RBM19: variants seen among roughly 807,000 people sequenced by gnomAD.
The protein encoded by RBM19 is probable RNA-binding protein 19.
In RBM19, 94 loss-of-function variants were observed where a neutral mutation model predicts 116.8. That is an observed-to-expected ratio of 0.80 (90% CI 0.68 to 0.95). RBM19 has a LOEUF of 0.95. Ranked by LOEUF, RBM19 falls within the 40% of genes least tolerant of loss-of-function variation. The pLI is 0.00. For synonymous variants in RBM19, 475 were observed against 494.1 expected, an observed-to-expected ratio of 0.96 and a Z score of 0.51; for missense variants, 1,161 against 1,220.7, an observed-to-expected ratio of 0.95 and a Z score of 0.73.
chr12:113,942,299 G>T, intron 14 of RBM19, 25 bp downstream of exon 14: 1 of 1,586,666 alleles, frequency 6.3e-7, no homozygotes, highest in Non-Finnish European at 8.5e-7. Flanking sequence ...GCTGCTGGCT[G>T]GCTGGCGCCA....
At chr12:113,949,100 GTGACTC>G in intron 9 of RBM19, 64 bp from the exon 10 acceptor site, 5 of 1,437,790 alleles carry the variant, frequency 3.5e-6, no homozygotes, top group Non-Finnish European at 4.8e-6. Flanking sequence ...CTCCTTGCTG[GTGACTC>G]CAAACTCTTC....
At chr12:113,886,247 C>T (rs977075854) in intron 21 of RBM19, among the ~76,000 whole-genome samples, 1 of 152,170 alleles carries the variant, frequency 6.6e-6, no homozygotes, top group Non-Finnish European at 1.5e-5. Context: ...ATTCTCCCAC[C>T]TCAGCCTCCA....
intron 6 of RBM19, 31 bp downstream of exon 6, chr12:113,957,751 C>T: frequency 6.5e-7 from 1 of 1,538,778 alleles, no homozygotes; most frequent in Non-Finnish European, 8.7e-7. Context: ...AGCGCACCTC[C>T]TCCCTCATCA....
rs1364306699 is a variant in RBM19, at chr12:113,962,322, C to T, written c.129G>A (p.Lys43=). 12 of 1,614,130 alleles carry T rather than the reference C, an allele frequency of 7.4e-6. No individual in the cohort carries two copies. Among genetic ancestry groups the T allele is most frequent in the African/African-American group, 1.3e-5 (1 of 74,946 alleles). The part of the protein sequence containing the change: ...LKFTKDGKFR[K]FGFIGFKSEE... ...CGGACTTGAAGCCAATAAAACCAAA[C>T]TTGCGGAACTTGCCATCTTTGGTGA... is the stretch of plus-strand genomic sequence containing the variant. Residue 43 remains lysine, a synonymous_variant, in exon 2 of 24, where the codon AAG becomes AAA. Coordinates refer to ENST00000261741, the MANE Select transcript of RBM19 (RefSeq NM_016196.4).
intron 11 of RBM19, 75 bp downstream of exon 11, chr12:113,947,259 C>T: frequency 9.3e-7 from 1 of 1,080,962 alleles, no homozygotes; most frequent in Non-Finnish European, 1.3e-6. Flanking sequence ...CACACACATA[C>T]ACACACACAC....
intron 15 of RBM19, 198 bp from the exon 16 acceptor site, chr12:113,937,334 C>T (rs1870160846): frequency 1.8e-6 from 1 of 549,500 alleles, no homozygotes; most frequent in Non-Finnish European, 3.1e-6. Context: ...CATGCTGCAT[C>T]TCAGGGTGCA....
At chr12:113,856,006 A>G (rs1275321509) in intron 22 of RBM19, among the ~76,000 whole-genome samples, 2 of 152,208 alleles carry the variant, frequency 1.3e-5, no homozygotes, top group African/African-American at 4.8e-5. Context: ...TGTGCTTGTG[A>G]TGGGCTCCTC....
Position 113,948,864 on chromosome 12 carries a change from C to T in RBM19, c.1245G>A (p.Glu415=). 6.2e-7 allele frequency: 1 copy of T among 1,614,200 alleles called. No individual in the cohort carries two copies. The highest frequency in any genetic ancestry group is 8.5e-7 in the Non-Finnish European group (1 of 1,180,030). Residue 415 remains glutamate (E), a synonymous_variant, in exon 10 of 24, where the codon GAG becomes GAA. Coordinates refer to ENST00000261741, the MANE Select transcript of RBM19 (RefSeq NM_016196.4). Reference sequence around the variant, plus strand: ...TGGAGAAGAGCTTCTCCAGATCCTCCTCGGTGCTGGTGTAGGGCAGGTTCC... The same window carrying T: ...TGGAGAAGAGCTTCTCCAGATCCTCTTCGGTGCTGGTGTAGGGCAGGTTCC... ...FVRNLPYTST[E]EDLEKLFSKY...
chr12:113,863,146 T>C (rs1878525946), intron 21 of RBM19, among the ~76,000 whole-genome samples: 1 of 151,514 alleles, frequency 6.6e-6, no homozygotes, highest in African/African-American at 2.4e-5. Context: ...CCAGCACTCA[T>C]AAACAAGTCG....
intron 19 of RBM19, among the ~76,000 whole-genome samples, chr12:113,920,202 G>T (rs1426488628): frequency 6.6e-6 from 1 of 152,102 alleles, no homozygotes; most frequent in Non-Finnish European, 1.5e-5. Flanking sequence ...TCCTTAGAGA[G>T]GCCTTCCCTG....
chr12:113,835,735 G>A (rs957900909), intron 23 of RBM19, among the ~76,000 whole-genome samples: 26 of 152,332 alleles, frequency 1.7e-4, no homozygotes, highest in Middle Eastern at 3.4e-3. Flanking sequence ...TTGGGCAGGC[G>A]GGGGAAGGCC....
At chr12:113,899,275 C>T (rs1200664072) in intron 21 of RBM19, among the ~76,000 whole-genome samples, 2 of 152,230 alleles carry the variant, frequency 1.3e-5, no homozygotes, top group Non-Finnish European at 2.9e-5. Flanking sequence ...ACAGCCTAGT[C>T]TCCTGGCTCC....
At chr12:113,944,627 A>G (rs4766707) in intron 13 of RBM19, among the ~76,000 whole-genome samples, 37,746 of 151,794 alleles carry the variant, frequency 0.25, 5,269 homozygotes, top group Middle Eastern at 0.41. Flanking sequence ...GTGAGACCCC[A>G]TCTCTGCAAA....
chr12:113,909,006 G>A (rs192997119), intron 21 of RBM19, among the ~76,000 whole-genome samples: 45 of 152,352 alleles, frequency 3.0e-4, no homozygotes, highest in African/African-American at 9.6e-4. Flanking sequence ...GGGGAGCTGA[G>A]GCAGCTGGGG....
intron 21 of RBM19, among the ~76,000 whole-genome samples, chr12:113,862,595 G>A (rs1878484763): frequency 6.6e-6 from 1 of 152,118 alleles, no homozygotes; most frequent in Non-Finnish European, 1.5e-5. Context: ...GCTTTTGAAG[G>A]AAGTTGTGCA....
At chr12:113,886,187 C>T (rs1014863064) in intron 21 of RBM19, among the ~76,000 whole-genome samples, 14 of 152,126 alleles carry the variant, frequency 9.2e-5, no homozygotes, top group African/African-American at 3.4e-4. Context: ...GGCTAGAATG[C>T]AGTGGCGTAA....
intron 21 of RBM19, among the ~76,000 whole-genome samples, chr12:113,884,178 G>A (rs1880360627): frequency 6.6e-6 from 1 of 150,760 alleles, no homozygotes; most frequent in Admixed American, 6.6e-5. Context: ...CAGCTACTCA[G>A]GAGGCTGAGG....
At chr12:113,844,040 T>G (rs1469573626) in intron 23 of RBM19, among the ~76,000 whole-genome samples, 2 of 152,182 alleles carry the variant, frequency 1.3e-5, no homozygotes, top group African/African-American at 4.8e-5. Context: ...CACCTGAGCC[T>G]AGGGCCCTGC....
intron 16 of RBM19, among the ~76,000 whole-genome samples, chr12:113,928,255 C>T (rs532693802): frequency 2.6e-5 from 4 of 152,038 alleles, no homozygotes; most frequent in South Asian, 2.1e-4. Flanking sequence ...AAGAATTGCT[C>T]GAACCTGGGA....
Sources: gnomAD v4.1 joint callset for allele counts (sites outside exome capture counted in the v4.1 genomes callset) on GRCh38, gnomAD v4.1.1 for gene constraint, MANE v1.5 for transcripts, NCBI Gene and HGNC (gene_info 2026-07-23, HGNC 2026-07-21) for gene names.